IQCJ: variants seen among roughly 807,000 people sequenced by gnomAD.
The protein encoded by IQCJ is IQ domain-containing protein J.
Under a neutral mutation model 11.0 loss-of-function variants are expected in IQCJ, and 9 were observed. That is an observed-to-expected ratio of 0.82 (90% CI 0.49 to 1.43). The LOEUF (loss-of-function observed/expected upper bound fraction) is 1.43. IQCJ is among the 40% of genes most tolerant of loss of function. The pLI, the probability that IQCJ is intolerant of heterozygous loss-of-function variation, is 0.00. For synonymous variants in IQCJ, 55 were observed against 51.3 expected, an observed-to-expected ratio of 1.07 and a Z score of -0.31; for missense variants, 146 against 133.2, an observed-to-expected ratio of 1.10 and a Z score of -0.47.
At chr3:159,264,786 C>T (rs1327115450), downstream of IQCJ, among the ~76,000 whole-genome samples, 1 of 151,974 alleles carries the variant, frequency 6.6e-6, no homozygotes, top group Non-Finnish European at 1.5e-5. Context: ...GTGGCATGCA[C>T]CTGTAATCCC....
At chr3:159,137,696 T>G (rs1238760509) in intron 1 of IQCJ, among the ~76,000 whole-genome samples, 1 of 152,198 alleles carries the variant, frequency 6.6e-6, no homozygotes, top group Non-Finnish European at 1.5e-5. Flanking sequence ...ACCATGAGCT[T>G]ATTAGTGCCT....
intron 1 of IQCJ, among the ~76,000 whole-genome samples, chr3:159,195,850 A>G (rs939279569): frequency 7.2e-5 from 11 of 152,354 alleles, no homozygotes; most frequent in African/African-American, 2.4e-4. Flanking sequence ...AAGACAAGAC[A>G]CCAATAATAT....
At chr3:159,187,590 C>T (rs1723443324) in intron 1 of IQCJ, among the ~76,000 whole-genome samples, 1 of 152,240 alleles carries the variant, frequency 6.6e-6, no homozygotes, top group African/African-American at 2.4e-5. Context: ...ACTGTCAGTC[C>T]ATAGGATGAG....
intron 1 of IQCJ, among the ~76,000 whole-genome samples, chr3:159,234,914 T>A (rs1412570311): frequency 6.6e-6 from 1 of 152,212 alleles, no homozygotes; most frequent in African/African-American, 2.4e-5. Flanking sequence ...ATCTGGATGG[T>A]GTTTGCTACA....
At chr3:159,253,969 A>G (rs1021002883) in intron 3 of IQCJ, among the ~76,000 whole-genome samples, 1 of 152,226 alleles carries the variant, frequency 6.6e-6, no homozygotes, top group African/African-American at 2.4e-5. Flanking sequence ...GCTACCCCTC[A>G]AGATGAAGTC....
chr3:159,169,279 C>CTTT (rs141888128), intron 1 of IQCJ, among the ~76,000 whole-genome samples: 136 of 56,258 alleles, frequency 2.4e-3, no homozygotes, highest in African/African-American at 5.3e-3. Flanking sequence ...TTCTTTCTTT[C>CTTT]TTTTTTTTTT....
At chr3:159,089,095 G>T (rs1354381100) in intron 1 of IQCJ, among the ~76,000 whole-genome samples, 1 of 152,062 alleles carries the variant, frequency 6.6e-6, no homozygotes, top group African/African-American at 2.4e-5. Flanking sequence ...TCCTTCAGGA[G>T]CTCTTTTAGG....
chr3:159,158,094 T>C (rs906728266), intron 1 of IQCJ, among the ~76,000 whole-genome samples: 35 of 152,270 alleles, frequency 2.3e-4, no homozygotes, highest in Non-Finnish European at 4.3e-4. Flanking sequence ...TATTTGTCAT[T>C]TTAATATAAA....
intron 1 of IQCJ, among the ~76,000 whole-genome samples, chr3:159,168,329 T>A (rs1048026352): frequency 2.6e-5 from 4 of 152,186 alleles, no homozygotes; most frequent in African/African-American, 4.8e-5. Flanking sequence ...CAGGAACGCT[T>A]AACAGGCAGA....
At chr3:159,200,647 G>A (rs564657792) in intron 1 of IQCJ, among the ~76,000 whole-genome samples, 14 of 152,236 alleles carry the variant, frequency 9.2e-5, no homozygotes, top group South Asian at 4.1e-4. Context: ...TCCTTGTGTC[G>A]CCCAGCTCAA....
chr3:159,109,891 C>G (rs1354557087), intron 1 of IQCJ, among the ~76,000 whole-genome samples: 1 of 152,160 alleles, frequency 6.6e-6, no homozygotes, highest in Non-Finnish European at 1.5e-5. Context: ...ATTGGTACAG[C>G]AAGGGTCACT....
chr3:159,140,107 A>G (rs1190042715), intron 1 of IQCJ, among the ~76,000 whole-genome samples: 1 of 152,074 alleles, frequency 6.6e-6, no homozygotes, highest in Non-Finnish European at 1.5e-5. Flanking sequence ...AACATCCCAC[A>G]CCTGAGTGGT....
At chr3:159,220,406 C>T (rs1277726536) in intron 1 of IQCJ, among the ~76,000 whole-genome samples, 1 of 152,096 alleles carries the variant, frequency 6.6e-6, no homozygotes, top group Non-Finnish European at 1.5e-5. Context: ...GAGGAGGAAG[C>T]ACCAGGGAAA....
chr3:159,123,404 G>A (rs184076184), intron 1 of IQCJ, among the ~76,000 whole-genome samples: 1 of 152,060 alleles, frequency 6.6e-6, no homozygotes. Context: ...TAGAAACCTC[G>A]CTGCAGATGT....
intron 1 of IQCJ, among the ~76,000 whole-genome samples, chr3:159,089,375 G>A (rs1717061402): frequency 6.6e-6 from 1 of 151,966 alleles, no homozygotes; most frequent in Non-Finnish European, 1.5e-5. Flanking sequence ...TTTCAACTTT[G>A]GTGAATCTGA....
chr3:159,187,206 T>C (rs1038823053), intron 1 of IQCJ, among the ~76,000 whole-genome samples: 1 of 152,198 alleles, frequency 6.6e-6, no homozygotes, highest in Non-Finnish European at 1.5e-5. Context: ...AGAATGAATA[T>C]AGGGTGAACA....
chr3:159,110,767 C>T (rs1257771610), intron 1 of IQCJ, among the ~76,000 whole-genome samples: 4 of 152,140 alleles, frequency 2.6e-5, no homozygotes, highest in Admixed American at 1.3e-4. Flanking sequence ...CTGGCATAAA[C>T]GGGCCCAAGG....
chr3:159,104,047 A>G (rs4679853), intron 1 of IQCJ, among the ~76,000 whole-genome samples: 81,928 of 152,138 alleles, frequency 0.54, 25,395 homozygotes, highest in Non-Finnish European at 0.69. Context: ...GGGCTGGTTG[A>G]TGGGGAGTGG....
In IQCJ at chr3:159,123,307, T is replaced by C. The variant is rs150114411; in HGVS notation, c.9+53866T>C. Among the ~76,000 whole-genome samples the C allele has an allele frequency of 4.6e-3, 699 of 152,234 alleles. 3 individuals carry two copies. The highest frequency in any genetic ancestry group is 6.5e-3 in the Admixed American group (100 of 15,282). ...AGTGTGGGCTCTCTGTCTCCTCACC[T>C]AGAAAGCCTGCTCAGACCCTGCTAC... On this transcript the variant is annotated intron_variant, in intron 1 of 3. Coordinates refer to ENST00000397832, the MANE Select transcript of IQCJ (RefSeq NM_001042706.3).
Sources: gnomAD v4.1 joint callset for allele counts (sites outside exome capture counted in the v4.1 genomes callset) on GRCh38, gnomAD v4.1.1 for gene constraint, MANE v1.5 for transcripts, NCBI Gene and HGNC (gene_info 2026-07-23, HGNC 2026-07-21) for gene names.